Variants in RASGEF1A observed in about 807,000 individuals in gnomAD.
RASGEF1A encodes the protein ras-GEF domain-containing family member 1A.
Under a neutral mutation model 56.4 loss-of-function variants are expected in RASGEF1A, and 18 were observed. That is an observed-to-expected ratio of 0.32 (90% CI 0.22 to 0.47). RASGEF1A has a LOEUF of 0.47. Among genes scored for constraint, RASGEF1A ranks in the 20% least tolerant of loss-of-function variants. The pLI is 1.00. For synonymous variants in RASGEF1A, 245 were observed against 242.6 expected (o/e 1.01, Z -0.09); for missense variants, 422 against 627.1 (o/e 0.67, Z 3.49).
chr10:43,225,287 CTGTG>C (rs1840262127), intron 1 of RASGEF1A, among the ~76,000 whole-genome samples: 1 of 126,200 alleles, frequency 7.9e-6, no homozygotes, highest in Admixed American at 9.1e-5. Context: ...CTGTGTGTTT[CTGTG>C]TGTCTGTGTC....
intron 1 of RASGEF1A, among the ~76,000 whole-genome samples, chr10:43,250,134 C>T (rs1840609944): frequency 6.6e-6 from 1 of 152,342 alleles, no homozygotes; most frequent in Admixed American, 6.5e-5. Flanking sequence ...CCTGAAGGAC[C>T]GGTGCAGCTC....
At position 43,206,041 on chromosome 10, in the gene RASGEF1A, C is replaced by T; in HGVS notation, c.76G>A (p.Glu26Lys). ...CCGCCACCGGCCCCGCCTCCACGCT[C>T]CCCCATGCCAGGCTGCACCTGTCCG... ...CSGQVQPGMG[E>K]RGGGAGGGSG... Residue 26 changes from glutamate to lysine, a missense_variant, in exon 2 of 13, where the codon GAG (glutamate) becomes AAG (lysine). Around this residue, in one of 2 missense-constraint regions of RASGEF1A, gnomAD observed 273 missense variants for 339.9 expected, o/e 0.80. Coordinates refer to ENST00000395810, the MANE Select transcript of RASGEF1A (RefSeq NM_145313.4). 2 of 1,609,886 alleles carry T rather than the reference C, an allele frequency of 1.2e-6. No individual in the cohort carries two copies. The highest frequency in any genetic ancestry group is 2.2e-5 in the East Asian group (1 of 44,772).
At chr10:43,211,744 C>A (rs187635943) in intron 1 of RASGEF1A, among the ~76,000 whole-genome samples, 1 of 152,202 alleles carries the variant, frequency 6.6e-6, no homozygotes, top group Non-Finnish European at 1.5e-5. Flanking sequence ...CCCCCGCACA[C>A]CTGAGTCCTT....
At chr10:43,242,607 G>A (rs1002418325) in intron 1 of RASGEF1A, among the ~76,000 whole-genome samples, 21 of 151,860 alleles carry the variant, frequency 1.4e-4, no homozygotes, top group Non-Finnish European at 2.5e-4. Context: ...ATCTCGGCTC[G>A]CTGCAACCTC....
At chr10:43,201,074 G>A (rs1839889349) in intron 4 of RASGEF1A, among the ~76,000 whole-genome samples, 186 bp from the exon 5 acceptor site, 1 of 152,208 alleles carries the variant, frequency 6.6e-6, no homozygotes, top group Non-Finnish European at 1.5e-5. Context: ...TCTGAGGACT[G>A]CTGAGGAGGG....
intron 1 of RASGEF1A, among the ~76,000 whole-genome samples, chr10:43,255,910 G>C (rs79698777): frequency 0.022 from 3,404 of 152,280 alleles, 65 homozygotes; most frequent in Non-Finnish European, 0.035. Flanking sequence ...AGTCTAGAGT[G>C]GGGGTGCAGT....
chr10:43,223,576 A>G (rs1723599403), intron 1 of RASGEF1A, among the ~76,000 whole-genome samples: 1 of 152,238 alleles, frequency 6.6e-6, no homozygotes, highest in Non-Finnish European at 1.5e-5. Context: ...TTCTCAACAA[A>G]ACAGTGAAAC....
intron 1 of RASGEF1A, among the ~76,000 whole-genome samples, chr10:43,261,453 T>A (rs1015115843): frequency 1.3e-5 from 2 of 152,208 alleles, no homozygotes; most frequent in African/African-American, 4.8e-5. Flanking sequence ...GTGCCACCAA[T>A]GCTCACCTGG....
chr10:43,221,257 A>G (rs562628070), intron 1 of RASGEF1A, among the ~76,000 whole-genome samples: 1 of 152,258 alleles, frequency 6.6e-6, no homozygotes, highest in African/African-American at 2.4e-5. Context: ...TATTTGCATG[A>G]TTGTTGGGGT....
At chr10:43,201,562 A>C (rs1307589936) in intron 4 of RASGEF1A, among the ~76,000 whole-genome samples, 1 of 152,190 alleles carries the variant, frequency 6.6e-6, no homozygotes, top group Non-Finnish European at 1.5e-5. Context: ...TGAGACAATG[A>C]TTGCCAGGCC....
chr10:43,208,127 C>A (rs1005816394), intron 1 of RASGEF1A: 1 of 985,354 alleles, frequency 1.0e-6, no homozygotes, highest in African/African-American at 1.7e-5. Flanking sequence ...GAGGCCAATG[C>A]ACTGTGGGAC....
intron 1 of RASGEF1A, among the ~76,000 whole-genome samples, chr10:43,237,870 T>C (rs1840451648): frequency 6.6e-6 from 1 of 152,138 alleles, no homozygotes; most frequent in South Asian, 2.1e-4. Flanking sequence ...CCATGTGATG[T>C]CTCCTCTCCC....
chr10:43,265,041 G>A (rs935993479), intron 1 of RASGEF1A, among the ~76,000 whole-genome samples: 6 of 152,162 alleles, frequency 3.9e-5, no homozygotes, highest in Admixed American at 1.3e-4. Context: ...GTGCCCACTC[G>A]CTCTCCTCCC....
chr10:43,198,963 C>T lies in RASGEF1A; in HGVS notation c.1002G>A (p.Lys334=). Residue 334 remains lysine (K), a synonymous_variant, in exon 9 of 13, where the codon AAG becomes AAA. Coordinates refer to ENST00000395810, the MANE Select transcript of RASGEF1A (RefSeq NM_145313.4). ...AGACATCAAACTTGGCTGTCTTGAC[C>T]TTGGACCAAGTTTTCTTCAGCCTTG... ...PVARLKKTWS[K]VKTAKFDVLE... is the part of the protein sequence containing the mutation. The T allele has an allele frequency of 6.2e-7, 1 of 1,611,632 alleles. No individual in the cohort carries two copies. The highest frequency in any genetic ancestry group is 1.1e-5 in the South Asian group (1 of 90,998).
intron 1 of RASGEF1A, among the ~76,000 whole-genome samples, chr10:43,220,049 C>T (rs1012010506): frequency 3.9e-5 from 6 of 152,200 alleles, no homozygotes; most frequent in Admixed American, 3.3e-4. Context: ...CACGTCCTGA[C>T]TGCCACCCCC....
chr10:43,265,227 A>G (rs1245916446), intron 1 of RASGEF1A, among the ~76,000 whole-genome samples: 1 of 152,200 alleles, frequency 6.6e-6, no homozygotes, highest in East Asian at 1.9e-4. Flanking sequence ...ACGATTTGCC[A>G]GGTGGAAGGG....
At chr10:43,242,032 G>A (rs1479168851) in intron 1 of RASGEF1A, among the ~76,000 whole-genome samples, 2 of 152,234 alleles carry the variant, frequency 1.3e-5, no homozygotes, top group African/African-American at 4.8e-5. Context: ...CAGCTACTCA[G>A]GAGGCTGAGG....
rs142857366 is a variant in RASGEF1A at position 43,262,089 on chromosome 10, G to A, written c.-7+4756C>T. ...AGGCTGCCTGACATTCACATTTGGC[G>A]GGTCTGGGTACCAGAGACCTGGAGA... On this transcript the variant is annotated intron_variant, in intron 1 of 12. Transcript: ENST00000395810. 2.4e-3 allele frequency among the ~76,000 whole-genome samples: 366 copies of A among 152,224 alleles called. 4 individuals carry two copies. The highest frequency in any genetic ancestry group is 8.1e-3 in the African/African-American group (335 of 41,532).
chr10:43,204,211 C>A (rs910398789), intron 2 of RASGEF1A, among the ~76,000 whole-genome samples: 11 of 152,178 alleles, frequency 7.2e-5, no homozygotes, highest in African/African-American at 2.7e-4. Flanking sequence ...GACTCTGCCC[C>A]ACGTGGCTGC....
Sources: gnomAD v4.1 joint callset for allele counts (sites outside exome capture counted in the v4.1 genomes callset) on GRCh38, gnomAD v4.1.1 for gene constraint, gnomAD v4.1.1 regional missense constraint, MANE v1.5 for transcripts, NCBI Gene and HGNC (gene_info 2026-07-23, HGNC 2026-07-21) for gene names.